Variants in KAZN observed in about 807,000 individuals in gnomAD.
KAZN encodes the protein kazrin.
KAZN carries 40 observed loss-of-function variants against 87.4 expected under a neutral mutation model. The observed-to-expected ratio is 0.46, with a 90% CI of 0.36 to 0.60. The LOEUF (loss-of-function observed/expected upper bound fraction) is 0.60. Ranked by LOEUF, KAZN falls within the 20% of genes least tolerant of loss-of-function variation. The pLI is 0.00. For missense variants in KAZN, 898 were observed against 1,073.9 expected (o/e 0.84, Z 2.29); for synonymous variants, 466 against 458.3 (o/e 1.02, Z -0.22).
chr1:14,401,894 G>A (rs949734180), intron 2 of KAZN, among the ~76,000 whole-genome samples: 26 of 152,064 alleles, frequency 1.7e-4, no homozygotes, highest in Non-Finnish European at 2.4e-4. Flanking sequence ...AAAAGCAAAC[G>A]TCATATTAAG....
chr1:14,095,727 C>T (rs1188036706), intron 1 of KAZN, among the ~76,000 whole-genome samples: 2 of 152,106 alleles, frequency 1.3e-5, no homozygotes, highest in Non-Finnish European at 2.9e-5. Context: ...AGATTGCAGC[C>T]TCAAACTTCT....
At chr1:14,261,908 A>C (rs1450375017) in intron 2 of KAZN, among the ~76,000 whole-genome samples, 1 of 152,180 alleles carries the variant, frequency 6.6e-6, no homozygotes, top group African/African-American at 2.4e-5. Flanking sequence ...TCCGAGACCC[A>C]CTTTACCTAA....
intron 1 of KAZN, among the ~76,000 whole-genome samples, chr1:14,662,266 G>A (rs1639227771): frequency 6.6e-6 from 1 of 152,202 alleles, no homozygotes; most frequent in East Asian, 1.9e-4. Context: ...AGGTGTCAGT[G>A]TGGGCACAGG....
At chr1:14,609,048 T>C (rs1677600671) in intron 1 of KAZN, among the ~76,000 whole-genome samples, 1 of 152,192 alleles carries the variant, frequency 6.6e-6, no homozygotes, top group Non-Finnish European at 1.5e-5. Flanking sequence ...GAGAGTGCAG[T>C]TGTGGGACCA....
intron 1 of KAZN, among the ~76,000 whole-genome samples, chr1:14,732,971 C>T (rs1643744562): frequency 6.6e-6 from 1 of 152,008 alleles, no homozygotes; most frequent in Admixed American, 6.5e-5. Flanking sequence ...CCCTCCTTCC[C>T]CTATGTTCAC....
chr1:14,490,731 A>G (rs777609531), intron 2 of KAZN, among the ~76,000 whole-genome samples: 5 of 152,176 alleles, frequency 3.3e-5, no homozygotes, highest in Non-Finnish European at 7.3e-5. Context: ...TTCTATTTCT[A>G]TGTGAATTTT....
chr1:14,859,180 C>T (rs966124746), intron 1 of KAZN, among the ~76,000 whole-genome samples: 2 of 150,074 alleles, frequency 1.3e-5, no homozygotes, highest in African/African-American at 4.9e-5. Flanking sequence ...GCACTCACTC[C>T]AGCCTGGGTG....
Position 14,035,283 on chromosome 1 carries a change from G to T in KAZN, c.91+141527G>T, listed in dbSNP as rs74520245. Among the ~76,000 whole-genome samples, 130 of 152,146 alleles carry T rather than the reference G, an allele frequency of 8.5e-4. 3 individuals carry two copies. The East Asian group carries it at 0.022, about 26-fold the overall frequency. ...CAGTAGATACCAGTTGAGGATGTAC[G>T]ATTTCTCTAGTGGTGAAGGCTCCAG... On this transcript the variant is annotated intron_variant, in intron 1 of 16. Transcript: ENST00000636203.
chr1:14,995,619 A>C (rs1186922304), intron 2 of KAZN, among the ~76,000 whole-genome samples: 1 of 143,036 alleles, frequency 7.0e-6, no homozygotes, highest in Non-Finnish European at 1.5e-5. Context: ...GTGAGACTCC[A>C]CCTCAAATAA....
intron 1 of KAZN, among the ~76,000 whole-genome samples, chr1:13,978,370 T>C (rs1016758023): frequency 3.3e-5 from 5 of 151,720 alleles, no homozygotes; most frequent in Non-Finnish European, 5.9e-5. Flanking sequence ...TCTATAGTGA[T>C]CCCAATATTG....
chr1:14,988,974 T>C (rs1003482310), intron 2 of KAZN, among the ~76,000 whole-genome samples: 1 of 152,216 alleles, frequency 6.6e-6, no homozygotes. Flanking sequence ...AGTTTGTCCC[T>C]CGTTGTGCCA....
chr1:14,124,550 T>C (rs1644821239), intron 1 of KAZN, among the ~76,000 whole-genome samples: 1 of 152,212 alleles, frequency 6.6e-6, no homozygotes, highest in Non-Finnish European at 1.5e-5. Flanking sequence ...GAATAGACAA[T>C]GGTGAAACCC....
intron 2 of KAZN, among the ~76,000 whole-genome samples, chr1:14,273,950 G>C (rs572671916): frequency 6.6e-6 from 1 of 152,240 alleles, no homozygotes; most frequent in South Asian, 2.1e-4. Context: ...TCATTCTGTA[G>C]TCATAGAAGA....
chr1:15,018,024 C>T (rs981963933), intron 2 of KAZN, among the ~76,000 whole-genome samples: 1 of 152,202 alleles, frequency 6.6e-6, no homozygotes, highest in East Asian at 1.9e-4. Context: ...GTTCTCCCCT[C>T]TGATCTCCCT....
intron 1 of KAZN, among the ~76,000 whole-genome samples, chr1:14,834,002 C>CACACACACACAT (rs1553141261): frequency 7.0e-6 from 1 of 142,324 alleles, no homozygotes; most frequent in Non-Finnish European, 1.6e-5. Flanking sequence ...CACACACACA[C>CACACACACACAT]ACACACATAC....
Position 15,099,715 on chromosome 1 carries a change from G to A in KAZN, c.1548-1828G>A, listed in dbSNP as rs769356199. Among the ~76,000 whole-genome samples, 2 of 152,202 alleles carry A rather than the reference G, an allele frequency of 1.3e-5. No homozygotes were observed. The highest frequency in any genetic ancestry group is 2.1e-4 in the South Asian group (1 of 4,832). ...AGAGAAGCCACAGAGTGTTGAGCAG[G>A]GGAGTGCACGGTCACACTGACATTT... On this transcript the variant is annotated intron_variant, in intron 10 of 14. Coordinates refer to ENST00000376030, the MANE Select transcript of KAZN (RefSeq NM_201628.3). The surrounding 1 kb of genome is among the most constrained non-coding windows in gnomAD (Gnocchi z 5.4).
chr1:14,645,181 C>T (rs575922878), intron 1 of KAZN, among the ~76,000 whole-genome samples: 2 of 152,246 alleles, frequency 1.3e-5, no homozygotes, highest in South Asian at 4.2e-4. Flanking sequence ...TGTACCAGTA[C>T]CATGCTGTTT....
chr1:14,783,773 C>G (rs1645423313), intron 1 of KAZN, among the ~76,000 whole-genome samples: 1 of 152,022 alleles, frequency 6.6e-6, no homozygotes, highest in African/African-American at 2.4e-5. Context: ...CAGAGGGGCT[C>G]CTGGAAGACA....
At chr1:14,657,294 G>T (rs888609110) in intron 1 of KAZN, among the ~76,000 whole-genome samples, 1 of 152,120 alleles carries the variant, frequency 6.6e-6, no homozygotes, top group Non-Finnish European at 1.5e-5. Context: ...TGTTGGTCAG[G>T]CTGGTCTCGA....
Sources: gnomAD v4.1 joint callset for allele counts (sites outside exome capture counted in the v4.1 genomes callset) on GRCh38, gnomAD v4.1.1 for gene constraint, Gnocchi (gnomAD v3.1) non-coding constraint, MANE v1.5 for transcripts, NCBI Gene and HGNC (gene_info 2026-07-23, HGNC 2026-07-21) for gene names.